LARS1: variants seen among roughly 807,000 people sequenced by gnomAD.
LARS1 encodes the protein leucine--tRNA ligase, cytoplasmic.
Under a neutral mutation model 162.8 loss-of-function variants are expected in LARS1, and 100 were observed. The observed-to-expected ratio is 0.61, with a 90% CI of 0.52 to 0.73. The LOEUF is 0.73. LARS1 is among the 30% of genes least tolerant of loss of function. The pLI, the probability that LARS1 is intolerant of heterozygous loss-of-function variation, is 0.00. For missense variants in LARS1, 1,258 were observed against 1,408.9 expected, an observed-to-expected ratio of 0.89 and a Z score of 1.71; for synonymous variants, 457 against 462.8, an observed-to-expected ratio of 0.99 and a Z score of 0.16.
rs55993097 is a variant in LARS1 at position 146,133,692 on chromosome 5, C to CAAA, written c.2213-614_2213-612dup. ...CCTACAATGGAACACTATAGGGTTGCAAAAAAAAAAAAAAAAAAAAGAGGG... is the reference window on the plus strand; with the variant it reads ...CCTACAATGGAACACTATAGGGTTGCAAAAAAAAAAAAAAAAAAAAAAAGAGGG... On this transcript the variant is annotated intron_variant, in intron 22 of 31. Coordinates refer to ENST00000394434, the MANE Select transcript of LARS1 (RefSeq NM_020117.11). Among the ~76,000 whole-genome samples the CAAA allele has an allele frequency of 8.7e-3, 980 of 112,124 alleles. 25 individuals carry two copies. The highest frequency in any genetic ancestry group is 0.032 in the African/African-American group (921 of 28,704). 73.6% of individuals were successfully genotyped at this position (112,124 alleles called of 152,430 possible).
At chr5:146,157,887 A>C in intron 8 of LARS1, 92 bp from the exon 9 acceptor site, 1 of 1,253,792 alleles carries the variant, frequency 8.0e-7, no homozygotes, top group Non-Finnish European at 1.2e-6. Context: ...CAAGTCCCTA[A>C]AATGGGTTCT....
At chr5:146,154,223 A>C (rs2962505) in intron 10 of LARS1, among the ~76,000 whole-genome samples, 2 of 152,054 alleles carry the variant, frequency 1.3e-5, no homozygotes, top group Non-Finnish European at 2.9e-5. Flanking sequence ...TAGAGTGTAG[A>C]GGCTATTCAC....
intron 1 of LARS1, 79 bp from the exon 2 acceptor site, chr5:146,177,744 G>GC: frequency 1.7e-6 from 1 of 599,796 alleles, no homozygotes; most frequent in Middle Eastern, 2.9e-4. Context: ...ACAGAACTGA[G>GC]CTGCTCACTG....
At chr5:146,159,713 A>C (rs997906677) in intron 7 of LARS1, among the ~76,000 whole-genome samples, 1 of 152,172 alleles carries the variant, frequency 6.6e-6, no homozygotes, top group East Asian at 1.9e-4. Flanking sequence ...GCTTTGTGGT[A>C]TTGAACAAAA....
rs752404290 is a variant in LARS1, at chr5:146,171,892, T to C, written c.294+18A>G. 2 of 1,585,710 alleles carry C rather than the reference T, an allele frequency of 1.3e-6. No homozygotes were observed. Among genetic ancestry groups the C allele is most frequent in the South Asian group, 2.3e-5 (2 of 87,906 alleles). The stretch of plus-strand genomic sequence containing the variant: ...TCCAACTAAAAAGAGTAGAAACCAA[T>C]CCTATTAGCGATCTTACCTTAATAG... On this transcript the variant is annotated intron_variant, in intron 4 of 31. Transcript: ENST00000394434.
chr5:146,176,857 T>C (rs1259428300), intron 2 of LARS1, among the ~76,000 whole-genome samples: 1 of 152,226 alleles, frequency 6.6e-6, no homozygotes, highest in Admixed American at 6.6e-5. Context: ...CATAAAAATT[T>C]ACATTTTCTG....
chr5:146,170,194 T>C (rs574703869), intron 4 of LARS1, among the ~76,000 whole-genome samples: 3 of 152,206 alleles, frequency 2.0e-5, no homozygotes, highest in African/African-American at 7.2e-5. Context: ...CAGCAGGGCA[T>C]AGTGGGTCAA....
intron 10 of LARS1, among the ~76,000 whole-genome samples, chr5:146,154,929 C>T (rs1753454630): frequency 6.6e-6 from 1 of 152,078 alleles, no homozygotes; most frequent in Admixed American, 6.5e-5. Flanking sequence ...TCTCGGCTCA[C>T]TGCAACCTCC....
intron 25 of LARS1, 72 bp downstream of exon 25, chr5:146,129,946 A>G (rs1443317397): frequency 4.1e-6 from 6 of 1,449,658 alleles, no homozygotes; most frequent in Non-Finnish European, 5.7e-6. Context: ...TTAAGTAACA[A>G]TATTAGCACA....
intron 20 of LARS1, among the ~76,000 whole-genome samples, chr5:146,140,820 T>C (rs984664685): frequency 4.6e-5 from 7 of 151,778 alleles, no homozygotes; most frequent in African/African-American, 7.2e-5. Context: ...AATGTATATA[T>C]ACACACACAC....
chr5:146,129,273 G>A (rs1252451096), intron 25 of LARS1, among the ~76,000 whole-genome samples, 155 bp from the exon 26 acceptor site: 1 of 152,120 alleles, frequency 6.6e-6, no homozygotes, highest in Non-Finnish European at 1.5e-5. Flanking sequence ...CACAGCCCCT[G>A]ATCTAATGTT....
chr5:146,157,766 G>T lies in LARS1; in HGVS notation c.801C>A (p.Leu267=), dbSNP rs1057522771. The change falls in exon 9 of 32, where the codon CTC becomes CTA. Residue 267 remains leucine (L), a synonymous_variant. Coordinates refer to ENST00000394434, the MANE Select transcript of LARS1 (RefSeq NM_020117.11). ...EGVGPQEYTL[L]KLKVLEPYPS... Reference sequence around the variant, plus strand: ...GGTATGGCTCAAGCACCTTCAATTTGAGTAAAGTATATTCCTGAGGTCCAA... The same window carrying T: ...GGTATGGCTCAAGCACCTTCAATTTTAGTAAAGTATATTCCTGAGGTCCAA... 2.5e-6 allele frequency: 4 copies of T among 1,613,944 alleles called. No individual in the cohort carries two copies. The highest frequency in any genetic ancestry group is 1.6e-4 in the Middle Eastern group (1 of 6,074).
chr5:146,128,135 C>G (rs1359220739), intron 27 of LARS1, among the ~76,000 whole-genome samples: 1 of 151,914 alleles, frequency 6.6e-6, no homozygotes, highest in Non-Finnish European at 1.5e-5. Context: ...TATTGAGTTC[C>G]CTTTAAGTGG....
Position 146,151,880 on chromosome 5 carries a change from T to TA in LARS1, c.1406dup (p.Gly471ArgfsTer4). 6.2e-7 allele frequency: 1 copy of TA among 1,613,908 alleles called. No homozygotes were observed. The highest frequency in any genetic ancestry group is 8.5e-7 in the Non-Finnish European group (1 of 1,179,904). ...TACTTACACCCTCATAAAATCCTTTTAGATATATCTTCTCCTTTGCTTCTG... is the reference window on the plus strand; with the variant it reads ...TACTTACACCCTCATAAAATCCTTTTAAGATATATCTTCTCCTTTGCTTCTG... On this transcript the variant is annotated frameshift_variant, in exon 14 of 32. Transcript: ENST00000394434. LOFTEE classifies it high-confidence loss of function.
At chr5:146,143,675 G>T in intron 18 of LARS1, 125 bp from the exon 19 acceptor site, 1 of 845,548 alleles carries the variant, frequency 1.2e-6, no homozygotes, top group Non-Finnish European at 1.7e-6. Context: ...AATTATTCTT[G>T]AATAATTAAT....
At chr5:146,140,430 C>T (rs1362692756) in intron 20 of LARS1, among the ~76,000 whole-genome samples, 169 bp from the exon 21 acceptor site, 2 of 152,216 alleles carry the variant, frequency 1.3e-5, no homozygotes, top group Non-Finnish European at 2.9e-5. Flanking sequence ...AATCAAAGGA[C>T]TGGCTACATA....
In LARS1 at chr5:146,114,310, G is replaced by A. The variant is rs373679385; in HGVS notation, c.3327C>T (p.Asp1109=). 6 of 1,612,198 alleles carry A rather than the reference G, an allele frequency of 3.7e-6. No homozygotes were observed. In the African/African-American group the frequency reaches 8.0e-5, roughly 22 times the overall value. The change falls in exon 32 of 32, where the codon GAC becomes GAT. Residue 1109 remains aspartate (D), a splice_region_variant and synonymous_variant. Coordinates refer to ENST00000394434, the MANE Select transcript of LARS1 (RefSeq NM_020117.11). ...RLMKMNRGIK[D]LSKVKLMRFD... Reference sequence around the variant, plus strand: ...ATCTCATCAGTTTCACTTTGGAAAGGTCTACAACAAAATAAATTATCAATA... The same window carrying A: ...ATCTCATCAGTTTCACTTTGGAAAGATCTACAACAAAATAAATTATCAATA...
In LARS1 at chr5:146,177,465, C is replaced by CAAAAA. The variant is rs10650026; in HGVS notation, c.125+77_125+81dup. On this transcript the variant is annotated intron_variant, in intron 2 of 31. Transcript: ENST00000394434. Reference sequence around the variant, plus strand: ...TGGGCGACAGAGCAAGACTCCGTCTCAAAAAAAAAAAAAAAAAAATATATA... The same window carrying CAAAAA: ...TGGGCGACAGAGCAAGACTCCGTCTCAAAAAAAAAAAAAAAAAAAAAAAATATATA... 2.8e-3 allele frequency: 52 copies of CAAAAA among 18,802 alleles called. 2 individuals are homozygous for CAAAAA. The East Asian group carries it at 0.04, about 15-fold the overall frequency. 1.2% of individuals were successfully genotyped at this position (18,802 alleles called of 1,614,324 possible). A position where few individuals can be genotyped will look rare whatever the true frequency, so the allele number is the denominator to read the frequency against.
chr5:146,163,159 AG>A (rs992884243), intron 6 of LARS1, among the ~76,000 whole-genome samples: 1 of 152,170 alleles, frequency 6.6e-6, no homozygotes. Flanking sequence ...TTAAACCTTA[AG>A]AACTAACCTC....
Sources: allele counts gnomAD v4.1 joint callset (sites outside exome capture counted in the v4.1 genomes callset), GRCh38; gene constraint gnomAD v4.1.1; transcripts MANE v1.5; gene names NCBI Gene and HGNC (gene_info 2026-07-23, HGNC 2026-07-21).